The following XIRP2 variants were observed in gnomAD, a reference collection of about 807,000 sequenced individuals.
XIRP2 encodes xin actin-binding repeat-containing protein 2.
A neutral mutation model predicts 277.0 loss-of-function variants in XIRP2; 236 were observed. The ratio of observed to expected loss-of-function variants is 0.85; its 90% CI spans 0.77 to 0.95. The LOEUF (loss-of-function observed/expected upper bound fraction) is 0.95, where lower values mean the gene tolerates loss of function less well. XIRP2 is among the 40% of genes least tolerant of loss of function. The pLI, the probability that XIRP2 is intolerant of heterozygous loss-of-function variation, is 0.00. For synonymous variants in XIRP2, 1,490 were observed against 1,416.5 expected (o/e 1.05, Z -1.17); for missense variants, 4,640 against 4,157.5 (o/e 1.12, Z -3.19).
In XIRP2 at chr2:167,218,154, A is replaced by C. The variant is rs1416541452; in HGVS notation, c.724-12A>C. On this transcript the variant is annotated splice_polypyrimidine_tract_variant and intron_variant, in intron 4 of 10. Transcript: ENST00000409195. ...GTAAAGCTGAATTTTCCTTTTTCTT[A>C]AATCATCCTAGATGATGGAAGAATC... 4 of 1,539,412 alleles carry C rather than the reference A, an allele frequency of 2.6e-6. No homozygotes were observed. In the Admixed American group the frequency reaches 8.3e-5, roughly 32 times the overall value.
intron 3 of XIRP2, among the ~76,000 whole-genome samples, chr2:167,177,066 G>C (rs1391257172): frequency 6.6e-6 from 1 of 152,188 alleles, no homozygotes; most frequent in African/African-American, 2.4e-5. Context: ...TGGTGGGCAG[G>C]CGTAGATCTT....
At chr2:167,090,613 C>T (rs1690111948) in intron 2 of XIRP2, among the ~76,000 whole-genome samples, 1 of 152,104 alleles carries the variant, frequency 6.6e-6, no homozygotes, top group East Asian at 1.9e-4. Flanking sequence ...TTATTTAGCT[C>T]ATGTTTTGCA....
At chr2:167,226,835 T>C (rs1269938506) in intron 5 of XIRP2, among the ~76,000 whole-genome samples, 5 of 152,162 alleles carry the variant, frequency 3.3e-5, no homozygotes, top group African/African-American at 7.2e-5. Flanking sequence ...CATCACCTCC[T>C]ACCCTTATCA....
intron 2 of XIRP2, among the ~76,000 whole-genome samples, chr2:167,019,934 C>A (rs1687936085): frequency 6.6e-6 from 1 of 152,080 alleles, no homozygotes; most frequent in Admixed American, 6.6e-5. Flanking sequence ...CAAGATGATT[C>A]TTTAAAAGCT....
At position 167,243,126 on chromosome 2, in the gene XIRP2, A is replaced by T. The variant is rs768914467; in HGVS notation, c.1734A>T (p.Arg578Ser). The change falls in exon 9 of 11, where the codon AGA becomes AGT. Residue 578 changes from arginine to serine, a missense_variant. Coordinates refer to ENST00000409195, the MANE Select transcript of XIRP2 (RefSeq NM_152381.6). ...TGAAGGGAGAGGTGCAGTCCATTAG[A>T]TGGATCTTTGAGAATCAACCATTGG... ...EILKGEVQSI[R>S]WIFENQPLDS... 1.4e-5 allele frequency: 23 copies of T among 1,614,010 alleles called. No homozygotes were observed. The African/African-American group carries it at 2.8e-4, about 20-fold the overall frequency.
At chr2:167,115,750 T>G (rs921787915) in intron 2 of XIRP2, among the ~76,000 whole-genome samples, 76 of 152,212 alleles carry the variant, frequency 5.0e-4, no homozygotes, top group African/African-American at 1.7e-3. Flanking sequence ...GGCCCTAATC[T>G]GATTTCCATG....
intron 2 of XIRP2, among the ~76,000 whole-genome samples, chr2:166,908,391 G>T (rs186126044): frequency 3.3e-5 from 5 of 152,046 alleles, no homozygotes; most frequent in Admixed American, 2.6e-4. Context: ...TTTCATGTGT[G>T]TGTTGGCTGC....
chr2:166,902,573 A>C (rs914186668), intron 1 of XIRP2, among the ~76,000 whole-genome samples: 1 of 152,022 alleles, frequency 6.6e-6, no homozygotes, highest in Non-Finnish European at 1.5e-5. Flanking sequence ...TAGTGCTAGC[A>C]TATAATTCTT....
chr2:166,941,260 T>A (rs1685706206), intron 2 of XIRP2, among the ~76,000 whole-genome samples: 1 of 152,134 alleles, frequency 6.6e-6, no homozygotes, highest in African/African-American at 2.4e-5. Context: ...TGGGATATAA[T>A]CTCCTGGTGT....
chr2:167,135,779 A>C, intron 2 of XIRP2, 130 bp from the exon 3 acceptor site: 1 of 824,992 alleles, frequency 1.2e-6, no homozygotes, highest in Non-Finnish European at 1.8e-6. Flanking sequence ...TTTTACCTGA[A>C]GCATATTGAA....
chr2:167,114,611 A>C (rs183073870), intron 2 of XIRP2, among the ~76,000 whole-genome samples: 4,412 of 150,330 alleles, frequency 0.029, 74 homozygotes, highest in East Asian at 0.047. Context: ...CCACCCCACA[A>C]CAGTCCCCAA....
At chr2:167,255,758 A>G (rs1219956266) in intron 10 of XIRP2, among the ~76,000 whole-genome samples, 1 of 151,806 alleles carries the variant, frequency 6.6e-6, no homozygotes, top group Non-Finnish European at 1.5e-5. Flanking sequence ...ATGTTTCTGC[A>G]GTTGTTCTGA....
intron 2 of XIRP2, among the ~76,000 whole-genome samples, chr2:166,983,691 C>A (rs75057887): frequency 2.2e-3 from 334 of 152,274 alleles, no homozygotes; most frequent in Admixed American, 3.8e-3. Context: ...ACTCTAAATT[C>A]TGTCTTTTCT....
intron 3 of XIRP2, among the ~76,000 whole-genome samples, chr2:167,143,457 A>G (rs947938041): frequency 4.9e-4 from 75 of 152,310 alleles, no homozygotes; most frequent in African/African-American, 1.7e-3. Context: ...GGAAATTCCA[A>G]GTAGATCCTG....
chr2:167,109,428 G>A (rs1043101354), intron 2 of XIRP2, among the ~76,000 whole-genome samples: 1 of 152,018 alleles, frequency 6.6e-6, no homozygotes, highest in Non-Finnish European at 1.5e-5. Flanking sequence ...CTACAGGCAT[G>A]TGCCACCATG....
At position 167,008,144 on chromosome 2, in the gene XIRP2, AT is replaced by A. The variant is rs1234399262; in HGVS notation, c.408+104261del. Among the ~76,000 whole-genome samples, 17 of 151,558 alleles carry A rather than the reference AT, an allele frequency of 1.1e-4. No homozygotes were observed. The East Asian group carries it at 2.5e-3, about 23-fold the overall frequency. ...TTTCACTATAGGACATATGGTCAGA[AT>A]TTTTTTCTTTATGATTAACTCTAAT... On this transcript the variant is annotated intron_variant, in intron 2 of 10. Transcript: ENST00000409195.
intron 2 of XIRP2, among the ~76,000 whole-genome samples, chr2:167,002,051 T>C (rs1687388021): frequency 6.6e-6 from 1 of 152,124 alleles, no homozygotes; most frequent in African/African-American, 2.4e-5. Context: ...TTTTAATTCT[T>C]TACAAAATTA....
chr2:167,150,216 CTT>C (rs1691976152), intron 3 of XIRP2, among the ~76,000 whole-genome samples: 1 of 151,896 alleles, frequency 6.6e-6, no homozygotes, highest in Non-Finnish European at 1.5e-5. Context: ...TTAAACATAA[CTT>C]TTCCCATCAG....
At position 167,250,967 on chromosome 2, in the gene XIRP2, T is replaced by A; in HGVS notation, c.9575T>A (p.Leu3192Ter). 6.2e-7 allele frequency: 1 copy of A among 1,613,496 alleles called. No homozygotes were observed. The highest frequency in any genetic ancestry group is 1.3e-5 in the African/African-American group (1 of 74,916). ...AGACTCAAAGACACCACTGCAAAGT[T>A]ATCCAAAGGGGCCATCCCATGTCCA... is the stretch of plus-strand genomic sequence containing the variant. ...LVRLKDTTAK[L>*]SKGAIPCPAA... is the part of the protein sequence containing the mutation. Residue 3192 changes from leucine (L) to a stop codon, truncating the protein, a stop_gained, in exon 9 of 11, where the codon TTA becomes TAA. Transcript: ENST00000409195. LOFTEE classifies it high-confidence loss of function.
Sources: gnomAD v4.1 joint callset for allele counts (sites outside exome capture counted in the v4.1 genomes callset) on GRCh38, gnomAD v4.1.1 for gene constraint, MANE v1.5 for transcripts, NCBI Gene and HGNC (gene_info 2026-07-23, HGNC 2026-07-21) for gene names.